Variants in CD8B2 observed in about 807,000 individuals in gnomAD.
CD8B2 encodes T-cell surface glycoprotein CD8 beta-2 chain.
In CD8B2, 11 loss-of-function variants were observed where a neutral mutation model predicts 23.7. The observed-to-expected ratio is 0.46, with a 90% CI of 0.29 to 0.77. The LOEUF is 0.77. Among genes scored for constraint, CD8B2 ranks in the 30% least tolerant of loss-of-function variants. The pLI is 0.09. For missense variants in CD8B2, 197 were observed against 270.5 expected, an observed-to-expected ratio of 0.73 and a Z score of 1.91; for synonymous variants, 90 against 109.3, an observed-to-expected ratio of 0.82 and a Z score of 1.10.
At position 106,504,178 on chromosome 2, in the gene CD8B2, G is replaced by A; in HGVS notation, c.584-111G>A. The A allele has an allele frequency of 2.8e-6, 4 of 1,419,836 alleles. No individual in the cohort carries two copies. The South Asian group carries it at 4.1e-5, about 15-fold the overall frequency. The allele number at this position is 1,419,836 out of a possible 1,614,324, so 88.0% of individuals were successfully genotyped here. On this transcript the variant is annotated intron_variant, in intron 4 of 5. Transcript: ENST00000643224. ...TGTTTGGGCCAGGGTCTGGGACCAG[G>A]GAGGTGGGCTGAGGTGTCAGCTGCC...
At chr2:106,494,350 G>A (rs370257786) in intron 2 of CD8B2, among the ~76,000 whole-genome samples, 13 of 152,178 alleles carry the variant, frequency 8.5e-5, no homozygotes, top group East Asian at 1.9e-4. Flanking sequence ...GTTTTGCCAC[G>A]TTGGCCAGGC....
intron 3 of CD8B2, among the ~76,000 whole-genome samples, chr2:106,499,619 T>C (rs1490246585): frequency 1.3e-5 from 2 of 152,072 alleles, no homozygotes. Flanking sequence ...TCAATGATTT[T>C]GGGTAAATTT....
intron 1 of CD8B2, among the ~76,000 whole-genome samples, chr2:106,488,161 CA>C (rs1679115450): frequency 6.6e-6 from 1 of 151,984 alleles, no homozygotes; most frequent in Admixed American, 6.6e-5. Context: ...CTCTCGTGCC[CA>C]AAAAGCCCAA....
chr2:106,541,243 C>T (rs1288226299), intron 5 of CD8B2, among the ~76,000 whole-genome samples: 1 of 152,154 alleles, frequency 6.6e-6, no homozygotes, highest in Non-Finnish European at 1.5e-5. Context: ...CATTCATGCT[C>T]AAAATTGGTC....
At chr2:106,498,176 C>T (rs1679334553) in intron 3 of CD8B2, among the ~76,000 whole-genome samples, 1 of 149,398 alleles carries the variant, frequency 6.7e-6, no homozygotes, top group Non-Finnish European at 1.5e-5. Context: ...GAAATGGAGT[C>T]TCACTCTGTT....
At chr2:106,527,422 T>A (rs540659250) in intron 5 of CD8B2, among the ~76,000 whole-genome samples, 1 of 152,344 alleles carries the variant, frequency 6.6e-6, no homozygotes, top group African/African-American at 2.4e-5. Flanking sequence ...GAATGCCTTT[T>A]AAGCAATCGA....
chr2:106,528,364 T>C (rs1573349334), intron 5 of CD8B2, among the ~76,000 whole-genome samples: 2 of 152,328 alleles, frequency 1.3e-5, no homozygotes, highest in East Asian at 3.9e-4. Flanking sequence ...GTGTCATTGT[T>C]TTTTATTTCC....
intron 5 of CD8B2, among the ~76,000 whole-genome samples, chr2:106,523,515 GT>G (rs1558884391): frequency 6.6e-6 from 1 of 152,124 alleles, no homozygotes; most frequent in Non-Finnish European, 1.5e-5. Flanking sequence ...TCGGTCTGGG[GT>G]AGCTGCAGAT....
chr2:106,507,685 G>T lies in CD8B2; in HGVS notation c.*745G>T. 1.1e-6 allele frequency: 1 copy of T among 940,766 alleles called. No homozygotes were observed. Among genetic ancestry groups the T allele is most frequent in the Non-Finnish European group, 1.3e-6 (1 of 789,474 alleles). The allele number at this position is 940,766 out of a possible 1,614,324, so 58.3% of individuals were successfully genotyped here. ...AACAAACGGGTCCTGTGACATAAACGTACGAAAGCCCATCTACAGCAAAGA... is the reference window on the plus strand; with the variant it reads ...AACAAACGGGTCCTGTGACATAAACTTACGAAAGCCCATCTACAGCAAAGA... On this transcript the variant is annotated 3_prime_UTR_variant, in exon 6 of 6. Transcript: ENST00000643224.
chr2:106,487,459 G>T lies in CD8B2; in HGVS notation c.33G>T (p.Ala11=). The T allele has an allele frequency of 8.0e-7, 1 of 1,247,834 alleles. No homozygotes were observed. The highest frequency in any genetic ancestry group is 1.0e-6 in the Non-Finnish European group (1 of 997,656). The allele number at this position is 1,247,834 out of a possible 1,614,324, so 77.3% of individuals were successfully genotyped here. The stretch of plus-strand genomic sequence containing the variant: ...CGCGGCTGTGGCTCCTCCTGGCCGC[G>T]CAGCTGACAGGTAAGGCGGCGGCGC... MRPRLWLLLA[A]QLTVLHGNSV... Residue 11 remains alanine (A), a synonymous_variant, in exon 1 of 6, where the codon GCG becomes GCT. Transcript: ENST00000643224.
chr2:106,525,601 C>T (rs749700661), intron 5 of CD8B2, among the ~76,000 whole-genome samples: 2 of 152,074 alleles, frequency 1.3e-5, no homozygotes, highest in African/African-American at 2.4e-5. Flanking sequence ...CAAAGGAAAC[C>T]CTGGACTCAT....
chr2:106,532,627 AG>A (rs1680005473), intron 5 of CD8B2, among the ~76,000 whole-genome samples: 1 of 152,188 alleles, frequency 6.6e-6, no homozygotes, highest in Non-Finnish European at 1.5e-5. Context: ...TTTCTGCAAA[AG>A]GGGTGGGCAA....
chr2:106,532,920 C>T (rs1170643909), intron 5 of CD8B2, among the ~76,000 whole-genome samples: 1 of 152,220 alleles, frequency 6.6e-6, no homozygotes, highest in Admixed American at 6.5e-5. Context: ...CAGCAGGTCT[C>T]AGCCTTATTT....
At chr2:106,536,351 C>T (rs1680089100) in intron 5 of CD8B2, among the ~76,000 whole-genome samples, 1 of 152,122 alleles carries the variant, frequency 6.6e-6, no homozygotes, top group Non-Finnish European at 1.5e-5. Context: ...TTTTAAACAA[C>T]TAGATCTCCT....
chr2:106,495,049 C>T (rs906143889), intron 2 of CD8B2, among the ~76,000 whole-genome samples: 1 of 152,182 alleles, frequency 6.6e-6, no homozygotes, highest in Non-Finnish European at 1.5e-5. Context: ...GCTGGGCGAT[C>T]CAGCCCTGGG....
At position 106,508,870 on chromosome 2, in the gene CD8B2, T is replaced by G. The variant is rs1679565339; in HGVS notation, c.*1930T>G. On this transcript the variant is annotated 3_prime_UTR_variant, in exon 6 of 6. Transcript: ENST00000643224. ...TGTAGGGAGAGTAGCCTTTGATCCT[T>G]GGTTACTCAGTGTGGGGAGATGGGG... 6.6e-6 allele frequency: 1 copy of G among 152,230 alleles called. No homozygotes were observed. The allele number at this position is 152,230 out of a possible 1,614,324, so 9.4% of individuals were successfully genotyped here. A position where few individuals can be genotyped will look rare whatever the true frequency, so the allele number is the denominator to read the frequency against.
downstream of CD8B2, among the ~76,000 whole-genome samples, chr2:106,513,672 T>C (rs988836460): frequency 1.6e-4 from 24 of 151,782 alleles, no homozygotes; most frequent in African/African-American, 5.8e-4. Context: ...AGGCCTGCTG[T>C]CTGGGCAAGA....
intron 5 of CD8B2, among the ~76,000 whole-genome samples, chr2:106,537,465 T>G (rs1296577415): frequency 1.3e-5 from 2 of 152,054 alleles, no homozygotes; most frequent in Non-Finnish European, 2.9e-5. Flanking sequence ...TAAAAACAGC[T>G]TATCTTACTT....
chr2:106,490,731 C>T, intron 1 of CD8B2, 143 bp from the exon 2 acceptor site: 1 of 1,446,932 alleles, frequency 6.9e-7, no homozygotes, highest in Non-Finnish European at 9.1e-7. Context: ...GAGCCAACAG[C>T]TGTGCTCAAC....
Sources: allele counts gnomAD v4.1 joint callset (sites outside exome capture counted in the v4.1 genomes callset), GRCh38; gene constraint gnomAD v4.1.1; transcripts MANE v1.5; gene names NCBI Gene and HGNC (gene_info 2026-07-23, HGNC 2026-07-21).